The following TSHZ2 variants were observed in gnomAD, a reference collection of about 807,000 sequenced individuals.
TSHZ2 encodes teashirt zinc finger homeobox 2.
TSHZ2 carries 21 observed loss-of-function variants against 74.4 expected under a neutral mutation model. The observed-to-expected ratio is 0.28, with a 90% CI of 0.20 to 0.41. The LOEUF (loss-of-function observed/expected upper bound fraction) is 0.41, where lower values mean the gene tolerates loss of function less well. Ranked by LOEUF, TSHZ2 falls within the 10% of genes least tolerant of loss-of-function variation. The pLI, the probability that TSHZ2 is intolerant of heterozygous loss-of-function variation, is 1.00. For missense variants in TSHZ2, 1,244 were observed against 1,293.5 expected (o/e 0.96, Z 0.59); for synonymous variants, 540 against 515.3 (o/e 1.05, Z -0.65).
intron 2 of TSHZ2, among the ~76,000 whole-genome samples, chr20:53,268,757 G>T (rs891975141): frequency 2.0e-5 from 3 of 152,158 alleles, no homozygotes; most frequent in African/African-American, 7.2e-5. Flanking sequence ...GCATGGTGAG[G>T]GTTTTAACCC....
intron 2 of TSHZ2, among the ~76,000 whole-genome samples, chr20:53,459,569 TAC>T (rs1447699614): frequency 6.9e-6 from 1 of 143,986 alleles, no homozygotes; most frequent in Non-Finnish European, 1.5e-5. Context: ...TTAAAGTTAA[TAC>T]TGTTATGTGT....
intron 1 of TSHZ2, among the ~76,000 whole-genome samples, chr20:53,042,746 C>G (rs1984089154): frequency 6.6e-6 from 1 of 150,914 alleles, no homozygotes; most frequent in African/African-American, 2.4e-5. Context: ...CCAAGGCTAC[C>G]AAGGAGGCTA....
At chr20:53,379,409 G>C (rs1378828925) in intron 2 of TSHZ2, among the ~76,000 whole-genome samples, 1 of 151,880 alleles carries the variant, frequency 6.6e-6, no homozygotes, top group African/African-American at 2.4e-5. Context: ...ATAAATAAAG[G>C]CTCACAATAA....
rs186142096 is a variant in TSHZ2, at chr20:53,068,965, A to G, written c.40+95632A>G. On this transcript the variant is annotated intron_variant, in intron 1 of 2. Coordinates refer to ENST00000371497, the MANE Select transcript of TSHZ2 (RefSeq NM_173485.6). The stretch of plus-strand genomic sequence containing the variant: ...GAACCCCGTTTTTCTTAAAATAAAA[A>G]AAAAGGTAGAATAGAAGAGAAAGGA... Among the ~76,000 whole-genome samples, 199 of 152,288 alleles carry G rather than the reference A, an allele frequency of 1.3e-3. 1 individual carries two copies. Among genetic ancestry groups the G allele is most frequent in the African/African-American group, 4.4e-3 (183 of 41,570 alleles).
At chr20:53,207,395 C>T (rs1989194945) in intron 1 of TSHZ2, among the ~76,000 whole-genome samples, 1 of 152,156 alleles carries the variant, frequency 6.6e-6, no homozygotes, top group African/African-American at 2.4e-5. Flanking sequence ...CAGGTTCCCT[C>T]TCCAATCAGG....
intron 1 of TSHZ2, among the ~76,000 whole-genome samples, chr20:53,167,098 C>T (rs1212318424): frequency 6.6e-6 from 1 of 152,076 alleles, no homozygotes; most frequent in African/African-American, 2.4e-5. Flanking sequence ...GTACAAAGGT[C>T]CTGGGGTGAG....
chr20:52,989,958 A>C (rs769313222), intron 1 of TSHZ2, among the ~76,000 whole-genome samples: 9 of 151,624 alleles, frequency 5.9e-5, no homozygotes, highest in Non-Finnish European at 5.9e-5. Context: ...TATACATACT[A>C]ATTATATATA....
At chr20:53,061,088 G>A (rs540913969) in intron 1 of TSHZ2, among the ~76,000 whole-genome samples, 4 of 152,308 alleles carry the variant, frequency 2.6e-5, no homozygotes, top group African/African-American at 9.6e-5. Context: ...GTACAAAATT[G>A]ACACTGTTGA....
Position 53,402,329 on chromosome 20 carries a change from T to C in TSHZ2, c.*9-84815T>C, listed in dbSNP as rs564237133. Among the ~76,000 whole-genome samples, 519 of 152,312 alleles carry C rather than the reference T, an allele frequency of 3.4e-3. 2 individuals carry two copies. The highest frequency in any genetic ancestry group is 0.012 in the African/African-American group (494 of 41,546). On this transcript the variant is annotated intron_variant, in intron 2 of 2. Coordinates refer to ENST00000371497, the MANE Select transcript of TSHZ2 (RefSeq NM_173485.6). ...ATTCCCACTGGCAGCATAAGTCTTT[T>C]CTATGTTTAGATGTATCTAGATACA...
intron 1 of TSHZ2, among the ~76,000 whole-genome samples, chr20:53,082,948 G>C (rs183586447): frequency 1.3e-5 from 2 of 152,304 alleles, no homozygotes; most frequent in South Asian, 4.1e-4. Context: ...TGGTTAGATG[G>C]AGGCAAGGCC....
intron 2 of TSHZ2, among the ~76,000 whole-genome samples, chr20:53,268,837 G>A (rs1277689598): frequency 2.0e-5 from 3 of 152,080 alleles, no homozygotes; most frequent in Non-Finnish European, 4.4e-5. Context: ...TTTTTATCAC[G>A]ACTGTCAGAG....
At chr20:53,361,076 A>G (rs1385119819) in intron 2 of TSHZ2, among the ~76,000 whole-genome samples, 1 of 152,150 alleles carries the variant, frequency 6.6e-6, no homozygotes, top group African/African-American at 2.4e-5. Flanking sequence ...CCCAGCCCCC[A>G]GGATTTGCCC....
intron 2 of TSHZ2, among the ~76,000 whole-genome samples, chr20:53,366,871 C>A (rs977217133): frequency 6.6e-6 from 1 of 152,134 alleles, no homozygotes; most frequent in Admixed American, 6.5e-5. Context: ...AATTTGCATG[C>A]ATTATTTCAT....
At chr20:53,334,664 T>A (rs1979869181) in intron 2 of TSHZ2, among the ~76,000 whole-genome samples, 1 of 151,594 alleles carries the variant, frequency 6.6e-6, no homozygotes, top group South Asian at 2.1e-4. Context: ...AACAGAGGAG[T>A]GACGTGGATT....
At chr20:52,988,435 C>A (rs1981854047) in intron 1 of TSHZ2, among the ~76,000 whole-genome samples, 1 of 152,174 alleles carries the variant, frequency 6.6e-6, no homozygotes, top group Admixed American at 6.5e-5. Flanking sequence ...TCCAAGCTCT[C>A]AGACACTATG....
chr20:53,154,821 A>G (rs577430818), intron 1 of TSHZ2, among the ~76,000 whole-genome samples: 34 of 152,218 alleles, frequency 2.2e-4, no homozygotes, highest in Non-Finnish European at 3.8e-4. Flanking sequence ...TATAAAGCAC[A>G]TAGCATAGTA....
intron 1 of TSHZ2, among the ~76,000 whole-genome samples, chr20:53,226,784 C>A (rs944840760): frequency 1.3e-5 from 2 of 152,076 alleles, no homozygotes; most frequent in Non-Finnish European, 2.9e-5. Flanking sequence ...GCCAGTAGCA[C>A]CCCCATTCCT....
At chr20:53,143,809 G>T (rs1320839544) in intron 1 of TSHZ2, among the ~76,000 whole-genome samples, 2 of 152,098 alleles carry the variant, frequency 1.3e-5, no homozygotes, top group Admixed American at 1.3e-4. Context: ...AGACACAGCC[G>T]ATTTATCAAG....
intron 1 of TSHZ2, among the ~76,000 whole-genome samples, chr20:53,057,902 A>AGGT (rs1984694341): frequency 2.6e-5 from 4 of 152,194 alleles, no homozygotes; most frequent in Admixed American, 2.6e-4. Context: ...AAGGGCATGG[A>AGGT]GGTCCCCTCC....
Sources: allele counts gnomAD v4.1 joint callset (sites outside exome capture counted in the v4.1 genomes callset), GRCh38; gene constraint gnomAD v4.1.1; transcripts MANE v1.5; gene names NCBI Gene and HGNC (gene_info 2026-07-23, HGNC 2026-07-21).